Variants in ZNF536 observed in about 807,000 individuals in gnomAD.
The protein encoded by ZNF536 is zinc finger protein 536.
A neutral mutation model predicts 84.5 loss-of-function variants in ZNF536; 13 were observed. The observed-to-expected ratio is 0.15, with a 90% CI of 0.10 to 0.24. ZNF536 has a LOEUF of 0.24. Among genes scored for constraint, ZNF536 ranks in the 10% least tolerant of loss-of-function variants. The pLI, the probability that ZNF536 is intolerant of heterozygous loss-of-function variation, is 1.00. For missense variants in ZNF536, 1,536 were observed against 1,747.5 expected, an observed-to-expected ratio of 0.88 and a Z score of 2.16; for synonymous variants, 811 against 742.5, an observed-to-expected ratio of 1.09 and a Z score of -1.50.
intron 2 of ZNF536, 146 bp from the exon 3 acceptor site, chr19:30,534,701 A>C (rs531196571): frequency 1.6e-5 from 13 of 833,672 alleles, no homozygotes; most frequent in Non-Finnish European, 2.3e-5. Context: ...AAAATACATG[A>C]ATTGTCAGCA....
chr19:30,268,834 A>G (rs2025662822), intron 1 of ZNF536, among the ~76,000 whole-genome samples: 1 of 152,134 alleles, frequency 6.6e-6, no homozygotes, highest in African/African-American at 2.4e-5. Context: ...GGAACTCCCC[A>G]ATCTCGCTGG....
intron 2 of ZNF536, among the ~76,000 whole-genome samples, chr19:30,335,749 C>T (rs2047361955): frequency 6.6e-6 from 1 of 152,166 alleles, no homozygotes; most frequent in South Asian, 2.1e-4. Context: ...CTCGCCAGGG[C>T]TGCCCTCAGA....
intron 1 of ZNF536, chr19:30,436,450 A>G (rs1331336861): frequency 2.1e-5 from 20 of 965,966 alleles, no homozygotes; most frequent in Non-Finnish European, 2.4e-5. Flanking sequence ...CCCAAATGTC[A>G]CCAGTGTTGA....
At chr19:30,498,083 A>C (rs1449141107) in intron 2 of ZNF536, among the ~76,000 whole-genome samples, 1 of 152,196 alleles carries the variant, frequency 6.6e-6, no homozygotes, top group Admixed American at 6.5e-5. Flanking sequence ...CAATCCCTTT[A>C]CTGGGTATAT....
At chr19:30,305,550 G>A (rs184183768) in intron 2 of ZNF536, among the ~76,000 whole-genome samples, 2 of 152,316 alleles carry the variant, frequency 1.3e-5, no homozygotes, top group Admixed American at 6.5e-5. Flanking sequence ...ATAGCCCTGA[G>A]CCTCAGCCCC....
At chr19:30,261,050 G>A (rs928851686) in intron 1 of ZNF536, among the ~76,000 whole-genome samples, 1 of 152,028 alleles carries the variant, frequency 6.6e-6, no homozygotes, top group Non-Finnish European at 1.5e-5. Flanking sequence ...TGTAATCCCA[G>A]CACTTTGGGA....
At chr19:30,277,670 C>T (rs1410183157) in intron 1 of ZNF536, among the ~76,000 whole-genome samples, 1 of 152,246 alleles carries the variant, frequency 6.6e-6, no homozygotes, top group Non-Finnish European at 1.5e-5. Context: ...CATGCACATA[C>T]CCACACACAC....
intron 1 of ZNF536, among the ~76,000 whole-genome samples, chr19:30,439,185 A>C (rs1189953498): frequency 1.3e-5 from 2 of 151,772 alleles, no homozygotes; most frequent in East Asian, 1.9e-4. Context: ...ACACACACAC[A>C]CCCTTAGACA....
intron 1 of ZNF536, among the ~76,000 whole-genome samples, chr19:30,246,404 T>C (rs149437748): frequency 5.3e-5 from 8 of 152,234 alleles, no homozygotes; most frequent in Non-Finnish European, 1.2e-4. Context: ...ATAGAATCCT[T>C]CTGCGGCATC....
chr19:30,369,817 AAG>A (rs141913658), upstream of ZNF536, among the ~76,000 whole-genome samples: 1,575 of 152,284 alleles, frequency 0.01, 10 homozygotes, highest in Middle Eastern at 0.014. Context: ...CTTTTAGATT[AAG>A]AGAAAAAAAA....
intron 1 of ZNF536, among the ~76,000 whole-genome samples, chr19:30,645,141 TG>T (rs1222808040): frequency 6.6e-6 from 1 of 152,248 alleles, no homozygotes; most frequent in Non-Finnish European, 1.5e-5. Context: ...TTTTTTCATG[TG>T]TCTTTTGCCT....
At chr19:30,498,888 G>GCGAGGAGC (rs2054832001) in intron 2 of ZNF536, among the ~76,000 whole-genome samples, 2 of 152,176 alleles carry the variant, frequency 1.3e-5, no homozygotes, top group Admixed American at 1.3e-4. Flanking sequence ...CGAGCATGCA[G>GCGAGGAGC]CGAGGAGCCG....
chr19:30,536,739 C>T (rs544664298), intron 3 of ZNF536, among the ~76,000 whole-genome samples: 12 of 152,056 alleles, frequency 7.9e-5, no homozygotes, highest in Non-Finnish European at 1.6e-4. Flanking sequence ...TCAGAAACCA[C>T]AGCCTGACAG....
intron 2 of ZNF536, among the ~76,000 whole-genome samples, chr19:30,488,575 A>C (rs1332464173): frequency 6.6e-6 from 1 of 151,844 alleles, no homozygotes; most frequent in Non-Finnish European, 1.5e-5. Flanking sequence ...TAAAAAAAAA[A>C]AACAACCCTG....
chr19:30,692,120 A>T (rs2051436680), intron 1 of ZNF536, among the ~76,000 whole-genome samples: 1 of 152,200 alleles, frequency 6.6e-6, no homozygotes, highest in Non-Finnish European at 1.5e-5. Flanking sequence ...TTTTCTTCCT[A>T]CGGATTTTTC....
At chr19:30,659,982 T>TG in intron 1 of ZNF536, among the ~76,000 whole-genome samples, 1 of 144,442 alleles carries the variant, frequency 6.9e-6, no homozygotes, top group Non-Finnish European at 1.5e-5. Flanking sequence ...TGTGTGTGTG[T>TG]TTGTATGTGT....
Position 30,574,309 on chromosome 19 carries a change from T to C in ZNF536, c.169+24795T>C, listed in dbSNP as rs113795888. ...GAGAACCAGGGTAAGCATGAAAGAC[T>C]GGGGGAAGAGACCCTTCAAGAAAAG... On this transcript the variant is annotated intron_variant, in intron 1 of 1. Coordinates refer to the ZNF536 transcript ENST00000592773. Among the ~76,000 whole-genome samples, 389 of 152,322 alleles carry C rather than the reference T, an allele frequency of 2.6e-3. 1 individual carries two copies. The highest frequency in any genetic ancestry group is 8.9e-3 in the African/African-American group (371 of 41,580).
intron 1 of ZNF536, among the ~76,000 whole-genome samples, chr19:30,420,967 C>A (rs928179131): frequency 1.3e-5 from 2 of 152,310 alleles, no homozygotes; most frequent in East Asian, 3.9e-4. Context: ...TTTCACCGTT[C>A]ACCTTCACTT....
rs562292257 is a variant in ZNF536, at chr19:30,445,987, C to A, written c.2170+255C>A. Reference sequence around the variant, plus strand: ...TTGAGGCCGGGTGTGGTGGCTCACGCCTGTAATCCCAGCACTTTGGGCGCC... The same window carrying A: ...TTGAGGCCGGGTGTGGTGGCTCACGACTGTAATCCCAGCACTTTGGGCGCC... On this transcript the variant is annotated intron_variant, in intron 2 of 4. Transcript: ENST00000355537. This position sits in a 1 kb window ranked among gnomAD's most constrained non-coding sequence, Gnocchi z 4.5. Among the ~76,000 whole-genome samples the A allele has an allele frequency of 3.3e-5, 5 of 152,162 alleles. No individual in the cohort carries two copies. The South Asian group carries it at 1.0e-3, about 32-fold the overall frequency.
Sources: gnomAD v4.1 joint callset for allele counts (sites outside exome capture counted in the v4.1 genomes callset) on GRCh38, gnomAD v4.1.1 for gene constraint, Gnocchi (gnomAD v3.1) non-coding constraint, MANE v1.5 for transcripts, NCBI Gene and HGNC (gene_info 2026-07-23, HGNC 2026-07-21) for gene names.